The following VTI1A variants were observed in gnomAD, a reference collection of about 807,000 sequenced individuals.
VTI1A encodes vesicle transport through interaction with t-SNAREs 1A, also known as vesicle transport through interaction with t-SNAREs homolog 1A.
A neutral mutation model predicts 34.9 loss-of-function variants in VTI1A; 22 were observed. The ratio of observed to expected loss-of-function variants is 0.63; its 90% confidence interval spans 0.45 to 0.90. The LOEUF (loss-of-function observed/expected upper bound fraction) is 0.90. Among genes scored for constraint, VTI1A ranks in the 40% least tolerant of loss-of-function variants. The pLI, the probability that VTI1A is intolerant of heterozygous loss-of-function variation, is 0.00. For missense variants in VTI1A, 268 were observed against 275.6 expected (o/e 0.97, Z 0.20); for synonymous variants, 87 against 97.3 (o/e 0.89, Z 0.62).
chr10:112,710,827 G>GTGTGTGTGTGTATGTGTGTT (rs1261210962), intron 7 of VTI1A, among the ~76,000 whole-genome samples: 1 of 152,074 alleles, frequency 6.6e-6, no homozygotes, highest in Non-Finnish European at 1.5e-5. Flanking sequence ...GTATGTGTGT[G>GTGTGTGTGTGTATGTGTGTT]TGTGTGTATG....
intron 4 of VTI1A, among the ~76,000 whole-genome samples, chr10:112,531,495 AAG>A (rs1850440766): frequency 6.6e-6 from 1 of 151,970 alleles, no homozygotes; most frequent in African/African-American, 2.4e-5. Context: ...AAAAAAAAAA[AAG>A]AAAAAAGATA....
intron 7 of VTI1A, among the ~76,000 whole-genome samples, chr10:112,725,800 T>C (rs1850000120): frequency 6.6e-6 from 1 of 152,234 alleles, no homozygotes; most frequent in African/African-American, 2.4e-5. Context: ...CTTGCTTGTT[T>C]GTTTTGAGCA....
At chr10:112,449,222 T>C (rs1847133201) in intron 1 of VTI1A, 1 of 152,248 alleles carries the variant, frequency 6.6e-6, no homozygotes, top group Non-Finnish European at 1.5e-5. Flanking sequence ...TCAGGACTTG[T>C]GGTTCCAGTT....
chr10:112,519,659 AAC>A (rs1437771481), intron 3 of VTI1A, among the ~76,000 whole-genome samples: 1 of 152,082 alleles, frequency 6.6e-6, no homozygotes, highest in Non-Finnish European at 1.5e-5. Flanking sequence ...AAGTGAAAAG[AAC>A]ACTGGCATTG....
intron 5 of VTI1A, among the ~76,000 whole-genome samples, chr10:112,592,847 G>A (rs1033014003): frequency 6.6e-6 from 1 of 152,230 alleles, no homozygotes; most frequent in East Asian, 1.9e-4. Context: ...TGTTAACCGA[G>A]TGAATCCTGT....
At position 112,538,449 on chromosome 10, in the gene VTI1A, A is replaced by G. The variant is rs1589877119; in HGVS notation, c.427+119A>G. The G allele has an allele frequency of 1.2e-5, 11 of 900,322 alleles. No homozygotes were observed. The East Asian group carries it at 2.2e-4, about 18-fold the overall frequency. The allele number at this position is 900,322 out of a possible 1,614,324, so 55.8% of individuals were successfully genotyped here. On this transcript the variant is annotated intron_variant, in intron 5 of 7. Coordinates refer to ENST00000393077, the MANE Select transcript of VTI1A (RefSeq NM_145206.4). ...GACAGCAGCCCGAGATGTGGTTTAC[A>G]TATTGGGGAGACAATTGGGAGCTTA...
At chr10:112,467,905 T>TA (rs1847950640) in intron 3 of VTI1A, among the ~76,000 whole-genome samples, 1 of 152,346 alleles carries the variant, frequency 6.6e-6, no homozygotes, top group African/African-American at 2.4e-5. Context: ...GTGAACAAGA[T>TA]AAAGTTCTAC....
intron 5 of VTI1A, among the ~76,000 whole-genome samples, chr10:112,645,942 G>GTTTTTTTTTTTTTTTTTTTTTT (rs71035394): frequency 7.3e-6 from 1 of 137,322 alleles, no homozygotes; most frequent in Non-Finnish European, 1.5e-5. Flanking sequence ...AATATACTGT[G>GTTTTTTTTTTTTTTTTTTTTTT]TTTTTTTTTT....
chr10:112,846,750 A>G, the VTI1A span, among the ~76,000 whole-genome samples: 1 of 148,256 alleles, frequency 6.7e-6, no homozygotes, highest in Non-Finnish European at 1.5e-5. Context: ...TGGGTGACAG[A>G]GCGAGACTCC....
At chr10:112,610,594 C>T (rs1412149323) in intron 5 of VTI1A, among the ~76,000 whole-genome samples, 1 of 152,132 alleles carries the variant, frequency 6.6e-6, no homozygotes, top group East Asian at 1.9e-4. Flanking sequence ...TAGCTTATTA[C>T]TCAGAACTTA....
intron 3 of VTI1A, among the ~76,000 whole-genome samples, chr10:112,497,313 G>A (rs577117958): frequency 6.7e-5 from 10 of 150,262 alleles, no homozygotes; most frequent in Admixed American, 3.3e-4. Context: ...GCTAGACTCC[G>A]TCTCAAAAAA....
At chr10:112,805,368 G>T (rs1853036931) in intron 7 of VTI1A, among the ~76,000 whole-genome samples, 1 of 152,118 alleles carries the variant, frequency 6.6e-6, no homozygotes, top group African/African-American at 2.4e-5. Flanking sequence ...TGTAAATAAA[G>T]ATTGTATTGG....
intron 5 of VTI1A, among the ~76,000 whole-genome samples, chr10:112,609,420 G>T (rs886550382): frequency 3.9e-5 from 6 of 152,318 alleles, no homozygotes; most frequent in Non-Finnish European, 7.4e-5. Context: ...TAGTAATGAT[G>T]AAGAGGATGG....
chr10:112,745,342 A>T (rs1850857085), intron 7 of VTI1A, among the ~76,000 whole-genome samples: 1 of 151,850 alleles, frequency 6.6e-6, no homozygotes, highest in Admixed American at 6.6e-5. Flanking sequence ...CATATCTCTC[A>T]CTTTTTGTCT....
chr10:112,643,781 C>T (rs541164427), intron 5 of VTI1A, among the ~76,000 whole-genome samples: 11 of 152,144 alleles, frequency 7.2e-5, no homozygotes, highest in East Asian at 1.9e-4. Context: ...CATAACTAGC[C>T]GAATTAGGAA....
At position 112,611,737 on chromosome 10, in the gene VTI1A, A is replaced by ATTTTTTTTTTTTTTTTTTTTTTTTTTTTT. The variant is rs3057346; in HGVS notation, c.428-56459_428-56458insTTTTTTTTTTTTTTTTTTTTTTTTTTTTT. ...TAAAGCCCATTTGGTGAGAAAGGTA[A>ATTTTTTTTTTTTTTTTTTTTTTTTTTTTT]TTTTTTTTTTTTTTTTTTTTTTGTG... On this transcript the variant is annotated intron_variant, in intron 5 of 7. Coordinates refer to ENST00000393077, the MANE Select transcript of VTI1A (RefSeq NM_145206.4). Among the ~76,000 whole-genome samples, 36 of 100,800 alleles carry ATTTTTTTTTTTTTTTTTTTTTTTTTTTTT rather than the reference A, an allele frequency of 3.6e-4. 3 individuals carry two copies. Among genetic ancestry groups the ATTTTTTTTTTTTTTTTTTTTTTTTTTTTT allele is most frequent in the African/African-American group, 4.5e-4 (10 of 22,364 alleles). 66.1% of individuals were successfully genotyped at this position (100,800 alleles called of 152,430 possible). A position where few individuals can be genotyped will look rare whatever the true frequency, so the allele number is the denominator to read the frequency against.
At chr10:112,522,918 G>C (rs1850079909) in intron 3 of VTI1A, among the ~76,000 whole-genome samples, 1 of 152,018 alleles carries the variant, frequency 6.6e-6, no homozygotes, top group Non-Finnish European at 1.5e-5. Flanking sequence ...CAATTGCTTT[G>C]CCATGTGCAC....
chr10:112,522,966 A>C (rs756092526), intron 3 of VTI1A, among the ~76,000 whole-genome samples: 7 of 152,138 alleles, frequency 4.6e-5, no homozygotes, highest in Non-Finnish European at 8.8e-5. Flanking sequence ...CTTTAGTAAT[A>C]AACCAACTTC....
chr10:112,508,294 T>C (rs1250483945), intron 3 of VTI1A, among the ~76,000 whole-genome samples: 1 of 152,226 alleles, frequency 6.6e-6, no homozygotes, highest in Non-Finnish European at 1.5e-5. Context: ...TTCTCAAGCT[T>C]ATCTATTGCT....
Sources: gnomAD v4.1 joint callset for allele counts (sites outside exome capture counted in the v4.1 genomes callset) on GRCh38, gnomAD v4.1.1 for gene constraint, MANE v1.5 for transcripts, NCBI Gene and HGNC (gene_info 2026-07-23, HGNC 2026-07-21) for gene names.